Variants in HS6ST3 observed in about 807,000 individuals in gnomAD.
The protein encoded by HS6ST3 is heparan-sulfate 6-O-sulfotransferase 3.
A neutral mutation model predicts 36.7 loss-of-function variants in HS6ST3; 12 were observed. That is an observed-to-expected ratio of 0.33 (90% confidence interval 0.21 to 0.53). The LOEUF (loss-of-function observed/expected upper bound fraction) is 0.53. Ranked by LOEUF, HS6ST3 falls within the 20% of genes least tolerant of loss-of-function variation. HS6ST3 has a pLI of 0.95. For missense variants in HS6ST3, 584 were observed against 640.9 expected, an observed-to-expected ratio of 0.91 and a Z score of 0.96; for synonymous variants, 240 against 257.5, an observed-to-expected ratio of 0.93 and a Z score of 0.65.
intron 1 of HS6ST3, among the ~76,000 whole-genome samples, chr13:96,718,216 TC>T (rs1201774163): frequency 6.6e-6 from 1 of 152,120 alleles, no homozygotes; most frequent in East Asian, 1.9e-4. Flanking sequence ...TATGTCTATC[TC>T]CCCCACAAGA....
chr13:96,612,331 G>T (rs556586951), intron 1 of HS6ST3, among the ~76,000 whole-genome samples: 27 of 151,712 alleles, frequency 1.8e-4, no homozygotes, highest in Non-Finnish European at 3.5e-4. Flanking sequence ...AACCCCATTG[G>T]CCCCTCTTTA....
chr13:96,174,074 C>T (rs1213157641), intron 1 of HS6ST3, among the ~76,000 whole-genome samples: 1 of 152,074 alleles, frequency 6.6e-6, no homozygotes. Flanking sequence ...CTCTGGGAAA[C>T]AGGTTATAAG....
intron 1 of HS6ST3, among the ~76,000 whole-genome samples, chr13:96,375,152 T>C (rs2055308648): frequency 6.6e-6 from 1 of 152,064 alleles, no homozygotes; most frequent in South Asian, 2.1e-4. Context: ...TCTCTGGCCT[T>C]TTCTTGCCTT....
At chr13:96,225,055 G>A (rs557272787) in intron 1 of HS6ST3, among the ~76,000 whole-genome samples, 1 of 152,200 alleles carries the variant, frequency 6.6e-6, no homozygotes, top group African/African-American at 2.4e-5. Flanking sequence ...AATTGAGAGA[G>A]TCCCTAAGAA....
intron 1 of HS6ST3, among the ~76,000 whole-genome samples, chr13:96,615,384 T>C (rs1054693876): frequency 6.6e-6 from 1 of 152,166 alleles, no homozygotes; most frequent in African/African-American, 2.4e-5. Context: ...GTTGAGAGCA[T>C]GTAATTGCAG....
At chr13:96,693,099 C>A (rs1191445767) in intron 1 of HS6ST3, among the ~76,000 whole-genome samples, 1 of 152,046 alleles carries the variant, frequency 6.6e-6, no homozygotes, top group Non-Finnish European at 1.5e-5. Context: ...TAATACTCAC[C>A]CTTCTTCTAT....
At chr13:96,374,720 A>T (rs1005084325) in intron 1 of HS6ST3, among the ~76,000 whole-genome samples, 1 of 152,160 alleles carries the variant, frequency 6.6e-6, no homozygotes. Flanking sequence ...GTCACTATAC[A>T]TCAGAGAACA....
intron 1 of HS6ST3, among the ~76,000 whole-genome samples, chr13:96,096,153 A>T (rs547187644): frequency 3.1e-4 from 47 of 152,266 alleles, no homozygotes; most frequent in African/African-American, 1.1e-3. Flanking sequence ...TAATATGGAG[A>T]TGAGAAAAAT....
At chr13:96,346,913 A>G (rs917271017) in intron 1 of HS6ST3, among the ~76,000 whole-genome samples, 10 of 152,174 alleles carry the variant, frequency 6.6e-5, no homozygotes, top group Non-Finnish European at 1.3e-4. Flanking sequence ...CTGACTTTAT[A>G]GCCTTCTTTG....
chr13:96,805,921 TG>T (rs1317833695), intron 1 of HS6ST3, among the ~76,000 whole-genome samples: 1 of 152,196 alleles, frequency 6.6e-6, no homozygotes, highest in Non-Finnish European at 1.5e-5. Context: ...TACACAGCTT[TG>T]TTTCATGAAT....
chr13:96,482,818 G>C (rs887967701), intron 1 of HS6ST3, among the ~76,000 whole-genome samples: 8 of 152,198 alleles, frequency 5.3e-5, no homozygotes, highest in Non-Finnish European at 1.0e-4. Flanking sequence ...AGGAAATATT[G>C]TTAAATGGAA....
chr13:96,443,436 A>G (rs1422827266), intron 1 of HS6ST3, among the ~76,000 whole-genome samples: 1 of 149,714 alleles, frequency 6.7e-6, no homozygotes, highest in African/African-American at 2.5e-5. Flanking sequence ...AGGCTCAGGC[A>G]GGAGAATGGC....
chr13:96,213,921 T>C (rs1204462818), intron 1 of HS6ST3, among the ~76,000 whole-genome samples: 1 of 152,162 alleles, frequency 6.6e-6, no homozygotes, highest in Admixed American at 6.5e-5. Flanking sequence ...GTTTTTATTG[T>C]GAAATATTTA....
chr13:96,782,712 T>C (rs902814989), intron 1 of HS6ST3, among the ~76,000 whole-genome samples: 1 of 152,138 alleles, frequency 6.6e-6, no homozygotes, highest in Admixed American at 6.6e-5. Context: ...AAGGAAAAGT[T>C]TGATTTTACA....
intron 1 of HS6ST3, among the ~76,000 whole-genome samples, chr13:96,598,309 A>G (rs2056409451): frequency 1.3e-5 from 2 of 152,134 alleles, no homozygotes; most frequent in Admixed American, 1.3e-4. Flanking sequence ...ACCCATGAGC[A>G]TGGAATATTT....
chr13:96,267,819 T>C (rs1347563386), intron 1 of HS6ST3, among the ~76,000 whole-genome samples: 1 of 151,904 alleles, frequency 6.6e-6, no homozygotes, highest in Admixed American at 6.6e-5. Context: ...GAAGGGGCAG[T>C]TATGTTGCTC....
intron 1 of HS6ST3, chr13:96,574,411 G>A (rs1421722916): frequency 1.9e-6 from 1 of 519,574 alleles, no homozygotes; most frequent in Non-Finnish European, 3.5e-6. Context: ...AAAGTGAGAA[G>A]GTGACAATCA....
intron 1 of HS6ST3, among the ~76,000 whole-genome samples, chr13:96,419,824 A>C (rs2055554242): frequency 1.3e-5 from 2 of 152,084 alleles, no homozygotes; most frequent in South Asian, 4.1e-4. Context: ...TTGTGTCCAC[A>C]TGGCATTTCC....
chr13:96,398,145 G>A (rs2055431534), intron 1 of HS6ST3, among the ~76,000 whole-genome samples: 1 of 152,118 alleles, frequency 6.6e-6, no homozygotes, highest in African/African-American at 2.4e-5. Context: ...ATAATAATGT[G>A]TGCAAAGCCC....
Sources: gnomAD v4.1 joint callset for allele counts (sites outside exome capture counted in the v4.1 genomes callset) on GRCh38, gnomAD v4.1.1 for gene constraint, MANE v1.5 for transcripts, NCBI Gene and HGNC (gene_info 2026-07-23, HGNC 2026-07-21) for gene names.